The following CADPS variants were observed in gnomAD, a reference collection of about 807,000 sequenced individuals.
CADPS encodes calcium-dependent secretion activator 1.
A neutral mutation model predicts 167.3 loss-of-function variants in CADPS; 57 were observed. The ratio of observed to expected loss-of-function variants is 0.34; its 90% CI spans 0.28 to 0.42. The LOEUF (loss-of-function observed/expected upper bound fraction) is 0.42, where lower values mean the gene tolerates loss of function less well. Among genes scored for constraint, CADPS ranks in the 20% least tolerant of loss-of-function variants. The pLI, the probability that CADPS is intolerant of heterozygous loss-of-function variation, is 1.00. For missense variants in CADPS, 1,414 were observed against 1,738.1 expected, an observed-to-expected ratio of 0.81 and a Z score of 3.32; for synonymous variants, 676 against 635.3, an observed-to-expected ratio of 1.06 and a Z score of -0.96.
At chr3:62,564,958 A>C (rs2079871722) in intron 9 of CADPS, among the ~76,000 whole-genome samples, 1 of 152,190 alleles carries the variant, frequency 6.6e-6, no homozygotes, top group South Asian at 2.1e-4. Context: ...AAAAGATGAA[A>C]GCGTTAAGAC....
At chr3:62,771,729 T>C (rs560956379) in intron 1 of CADPS, among the ~76,000 whole-genome samples, 1 of 152,298 alleles carries the variant, frequency 6.6e-6, no homozygotes, top group South Asian at 2.1e-4. Flanking sequence ...GTGATTATTG[T>C]AGAAGACAGT....
At chr3:62,419,396 C>G (rs547073720) in intron 28 of CADPS, among the ~76,000 whole-genome samples, 1 of 152,236 alleles carries the variant, frequency 6.6e-6, no homozygotes, top group East Asian at 1.9e-4. Context: ...ACCCCCATGC[C>G]TTTAGCCTCC....
intron 6 of CADPS, among the ~76,000 whole-genome samples, chr3:62,618,919 A>C (rs765443679): frequency 6.6e-6 from 1 of 152,022 alleles, no homozygotes; most frequent in Non-Finnish European, 1.5e-5. Context: ...CAGAGCTAAC[A>C]GTCTGGATTG....
At chr3:62,470,965 A>C (rs932488181) in intron 24 of CADPS, among the ~76,000 whole-genome samples, 17 of 152,332 alleles carry the variant, frequency 1.1e-4, no homozygotes, top group African/African-American at 3.6e-4. Context: ...ATCAAATAGA[A>C]CAATGTCTAG....
intron 1 of CADPS, among the ~76,000 whole-genome samples, chr3:62,868,715 A>G (rs759793081): frequency 6.6e-6 from 1 of 152,146 alleles, no homozygotes; most frequent in Non-Finnish European, 1.5e-5. Flanking sequence ...ATCTAACTTC[A>G]TCTCTAACCA....
chr3:62,450,526 C>T (rs1267614355), intron 26 of CADPS, among the ~76,000 whole-genome samples: 1 of 152,192 alleles, frequency 6.6e-6, no homozygotes, highest in Admixed American at 6.5e-5. Context: ...ACTTCATCTC[C>T]TGGGACTCCC....
rs1397211478 is a variant in CADPS at position 62,874,229 on chromosome 3, A to G, written c.441+360T>C. ...CGCTGGAGAGCGCTGGGAGCCCTGC[A>G]AGCGAGCAAGGCCTCTCTGGGCGCC... On this transcript the variant is annotated intron_variant, in intron 1 of 29. Coordinates refer to ENST00000383710, the MANE Select transcript of CADPS (RefSeq NM_003716.4). This position sits in a 1 kb window ranked among gnomAD's most constrained non-coding sequence, Gnocchi z 7.1. Among the ~76,000 whole-genome samples, 1 of 152,068 alleles carries G rather than the reference A, an allele frequency of 6.6e-6. No homozygotes were observed. Among genetic ancestry groups the G allele is most frequent in the Non-Finnish European group, 1.5e-5 (1 of 67,984 alleles).
intron 1 of CADPS, among the ~76,000 whole-genome samples, chr3:62,857,485 C>T (rs748512508): frequency 2.2e-4 from 33 of 152,002 alleles, no homozygotes; most frequent in Non-Finnish European, 3.8e-4. Flanking sequence ...GAAATCAATA[C>T]AACCAGTTAA....
rs545833776 is a variant in CADPS, at chr3:62,862,874, C to T, written c.441+11715G>A. Among the ~76,000 whole-genome samples the T allele has an allele frequency of 1.2e-4, 18 of 152,314 alleles. 1 individual carries two copies. The highest frequency in any genetic ancestry group is 3.4e-3 in the Middle Eastern group (1 of 294). ...AGTGGCCCAGGTTGGTGCTCTGTAG[C>T]CCATTCCAACCAGTGGGACTTCTCT... is the stretch of plus-strand genomic sequence containing the variant. On this transcript the variant is annotated intron_variant, in intron 1 of 29. Transcript: ENST00000383710.
At chr3:62,437,641 C>A (rs1161594581) in intron 28 of CADPS, among the ~76,000 whole-genome samples, 1 of 152,096 alleles carries the variant, frequency 6.6e-6, no homozygotes, top group African/African-American at 2.4e-5. Flanking sequence ...ATGAAATTAT[C>A]TTTGAAGTGA....
intron 6 of CADPS, among the ~76,000 whole-genome samples, chr3:62,608,197 AC>A (rs1393714449): frequency 6.6e-5 from 10 of 151,954 alleles, no homozygotes; most frequent in African/African-American, 2.2e-4. Flanking sequence ...TTACTGTGGG[AC>A]CCCACACCCA....
intron 1 of CADPS, among the ~76,000 whole-genome samples, chr3:62,806,219 C>A (rs1253410613): frequency 1.3e-5 from 2 of 152,088 alleles, no homozygotes; most frequent in Non-Finnish European, 1.5e-5. Flanking sequence ...TTGTTCAGAC[C>A]AAATAGCTAA....
intron 2 of CADPS, among the ~76,000 whole-genome samples, chr3:62,758,460 G>A (rs1038270753): frequency 1.3e-5 from 2 of 152,238 alleles, no homozygotes; most frequent in Non-Finnish European, 2.9e-5. Context: ...CACATCATCT[G>A]TCTTGGCTTC....
chr3:62,671,321 G>A (rs910267622), intron 3 of CADPS, among the ~76,000 whole-genome samples: 1 of 151,696 alleles, frequency 6.6e-6, no homozygotes, highest in Non-Finnish European at 1.5e-5. Flanking sequence ...TTATATCTGG[G>A]GCTGGGAGAC....
At chr3:62,565,277 A>G (rs1444510445) in intron 9 of CADPS, among the ~76,000 whole-genome samples, 1 of 152,162 alleles carries the variant, frequency 6.6e-6, no homozygotes, top group East Asian at 1.9e-4. Flanking sequence ...TTGGAATTTC[A>G]AGGAAGATGG....
chr3:62,556,246 G>T lies in CADPS; in HGVS notation c.1753+1159C>A, dbSNP rs560511846. 2.0e-5 allele frequency among the ~76,000 whole-genome samples: 3 copies of T among 152,318 alleles called. No homozygotes were observed. In the South Asian group the frequency reaches 6.2e-4, roughly 32 times the overall value. Reference sequence around the variant, plus strand: ...TGCTCATGAAGGATTTCCAGGCAGAGCATTTAATTCATGCCTTATGTGGTC... The same window carrying T: ...TGCTCATGAAGGATTTCCAGGCAGATCATTTAATTCATGCCTTATGTGGTC... On this transcript the variant is annotated intron_variant, in intron 10 of 29. Transcript: ENST00000383710.
intron 3 of CADPS, among the ~76,000 whole-genome samples, chr3:62,742,881 A>G (rs1209277463): frequency 6.6e-6 from 1 of 152,208 alleles, no homozygotes; most frequent in African/African-American, 2.4e-5. Context: ...CAAACTATGC[A>G]TCTGACAAGG....
chr3:62,712,993 C>T (rs1337887161), intron 3 of CADPS, among the ~76,000 whole-genome samples: 1 of 152,180 alleles, frequency 6.6e-6, no homozygotes, highest in Non-Finnish European at 1.5e-5. Context: ...GTAACCACAT[C>T]AGGACTTTCT....
intron 3 of CADPS, among the ~76,000 whole-genome samples, chr3:62,680,531 G>T (rs376297399): frequency 6.6e-6 from 1 of 151,938 alleles, no homozygotes; most frequent in African/African-American, 2.4e-5. Flanking sequence ...CTGTCTGGCA[G>T]CTCTCCATAC....
Sources: allele counts gnomAD v4.1 joint callset (sites outside exome capture counted in the v4.1 genomes callset), GRCh38; gene constraint gnomAD v4.1.1; non-coding constraint Gnocchi (gnomAD v3.1); transcripts MANE v1.5; gene names NCBI Gene and HGNC (gene_info 2026-07-23, HGNC 2026-07-21).